COL5A2: variants seen among roughly 807,000 people sequenced by gnomAD.
COL5A2 encodes the protein collagen type V alpha 2 chain.
A neutral mutation model predicts 208.2 loss-of-function variants in COL5A2; 23 were observed. The observed-to-expected ratio is 0.11, with a 90% CI of 0.08 to 0.16. The LOEUF is 0.16. COL5A2 is among the 10% of genes least tolerant of loss of function. The probability of loss-of-function intolerance (pLI) is 1.00; values close to 1 mark genes in which losing one functional copy is unlikely to be tolerated. For missense variants in COL5A2, 1,590 were observed against 1,956.4 expected (o/e 0.81, Z 3.53); for synonymous variants, 625 against 628.5 (o/e 0.99, Z 0.08).
intron 6 of COL5A2, among the ~76,000 whole-genome samples, 188 bp from the exon 7 acceptor site, chr2:189,092,608 T>C (rs140954227): frequency 2.0e-5 from 3 of 152,320 alleles, no homozygotes; most frequent in Non-Finnish European, 4.4e-5. Flanking sequence ...ACTTCTACCA[T>C]TCGGATGTGG....
At chr2:189,062,625 A>G (rs1449037875) in intron 29 of COL5A2, among the ~76,000 whole-genome samples, 1 of 152,140 alleles carries the variant, frequency 6.6e-6, no homozygotes, top group African/African-American at 2.4e-5. Context: ...ACATATAAAA[A>G]CCTTTGCAGT....
chr2:189,050,777 G>C, intron 42 of COL5A2, 101 bp from the exon 43 acceptor site: 1 of 972,194 alleles, frequency 1.0e-6, no homozygotes. Context: ...TTTTCAGTAT[G>C]AAAAAGAAGT....
Position 189,039,455 on chromosome 2 carries a change from G to A in COL5A2, c.3742C>T (p.Leu1248Phe). The change falls in exon 51 of 54, where the codon CTT becomes TTT. Residue 1248 changes from leucine (L) to phenylalanine (F), a missense_variant. Transcript: ENST00000374866. ...GCCTGATCTTCAGTAAACTCAGGAA[G>A]TGGATCTGGCATGCTTTCATCATAG... Reference protein sequence around the residue: ...GHYDESMPDPLPEFTEDQAAP... With the variant: ...GHYDESMPDPFPEFTEDQAAP... 1 of 1,614,130 alleles carries A rather than the reference G, an allele frequency of 6.2e-7. No homozygotes were observed. The highest frequency in any genetic ancestry group is 8.5e-7 in the Non-Finnish European group (1 of 1,180,014).
intron 13 of COL5A2, among the ~76,000 whole-genome samples, chr2:189,080,356 TATAAA>T (rs1406381393): frequency 1.3e-5 from 2 of 151,982 alleles, no homozygotes; most frequent in African/African-American, 2.4e-5. Context: ...TTCATATTGT[TATAAA>T]ATATCATTTG....
chr2:189,215,769 C>T (rs10172607), intron 1 of COL5A2, among the ~76,000 whole-genome samples: 21,956 of 151,992 alleles, frequency 0.14, 2,684 homozygotes, highest in African/African-American at 0.32. Context: ...TTTCCCTGTC[C>T]AGAATTCATC....
intron 34 of COL5A2, 119 bp from the exon 35 acceptor site, chr2:189,057,145 G>T: frequency 8.3e-7 from 1 of 1,203,570 alleles, no homozygotes; most frequent in Non-Finnish European, 1.2e-6. Context: ...AGGTGAGCCT[G>T]GGATGGTGCC....
chr2:189,286,126 C>T, the COL5A2 span, among the ~76,000 whole-genome samples: 1 of 151,528 alleles, frequency 6.6e-6, no homozygotes, highest in Non-Finnish European at 1.5e-5. Flanking sequence ...CAAGAGAGTA[C>T]TAAATTGACA....
At chr2:189,425,566 G>A in the COL5A2 span, among the ~76,000 whole-genome samples, 7 of 152,258 alleles carry the variant, frequency 4.6e-5, no homozygotes, top group East Asian at 1.4e-3. Context: ...AAACCTAGAG[G>A]ACATTATGCA....
Position 189,091,889 on chromosome 2 carries a change from T to C in COL5A2, c.567+421A>G, listed in dbSNP as rs147302491. Among the ~76,000 whole-genome samples, 6 of 152,332 alleles carry C rather than the reference T, an allele frequency of 3.9e-5. No homozygotes were observed. In the East Asian group the frequency reaches 9.6e-4, roughly 24 times the overall value. On this transcript the variant is annotated intron_variant, in intron 7 of 53. Coordinates refer to ENST00000374866, the MANE Select transcript of COL5A2 (RefSeq NM_000393.5). ...ATTAGGTGTCATTTTTAGTGTCAAC[T>C]CAATGGCCTTCTCATATCCCTCATC... is the stretch of plus-strand genomic sequence containing the variant.
the COL5A2 span, among the ~76,000 whole-genome samples, chr2:189,320,962 G>A: frequency 6.6e-6 from 1 of 152,200 alleles, no homozygotes; most frequent in African/African-American, 2.4e-5. Context: ...ACTAACAGTG[G>A]ATCTCTGGGC....
the COL5A2 span, among the ~76,000 whole-genome samples, chr2:189,242,479 C>T: frequency 6.6e-6 from 1 of 152,028 alleles, no homozygotes; most frequent in Non-Finnish European, 1.5e-5. Flanking sequence ...TATAATATGC[C>T]TTACACACAC....
the COL5A2 span, among the ~76,000 whole-genome samples, chr2:189,249,533 C>T: frequency 6.6e-6 from 1 of 152,036 alleles, no homozygotes; most frequent in Non-Finnish European, 1.5e-5. Context: ...TTCCAGAGTT[C>T]CAAATTTAGG....
At chr2:189,272,605 A>T in the COL5A2 span, among the ~76,000 whole-genome samples, 1 of 152,186 alleles carries the variant, frequency 6.6e-6, no homozygotes, top group Non-Finnish European at 1.5e-5. Flanking sequence ...GCACATGTAT[A>T]CGTATGTAAC....
At chr2:189,339,566 G>A in the COL5A2 span, among the ~76,000 whole-genome samples, 1 of 152,164 alleles carries the variant, frequency 6.6e-6, no homozygotes, top group Non-Finnish European at 1.5e-5. Flanking sequence ...AGCCAAGGAA[G>A]AAGGCTTTAT....
At chr2:189,409,093 C>T in the COL5A2 span, among the ~76,000 whole-genome samples, 37 of 151,844 alleles carry the variant, frequency 2.4e-4, no homozygotes, top group Non-Finnish European at 4.4e-4. Context: ...TGAAAATCAC[C>T]GTAGGTTTTT....
At chr2:189,171,141 G>A (rs1398521514) in intron 1 of COL5A2, among the ~76,000 whole-genome samples, 1 of 152,084 alleles carries the variant, frequency 6.6e-6, no homozygotes, top group Non-Finnish European at 1.5e-5. Context: ...GTCTGTGTGT[G>A]TTGGGGGTGG....
At chr2:189,238,216 C>T in the COL5A2 span, among the ~76,000 whole-genome samples, 1 of 151,984 alleles carries the variant, frequency 6.6e-6, no homozygotes, top group East Asian at 1.9e-4. Flanking sequence ...TGGTTTATTT[C>T]TCTCTTGATG....
the COL5A2 span, among the ~76,000 whole-genome samples, chr2:189,299,429 C>T: frequency 6.6e-6 from 1 of 152,172 alleles, no homozygotes; most frequent in East Asian, 1.9e-4. Context: ...CACCTCGATA[C>T]GTGGCTCAAA....
At chr2:189,079,681 G>T (rs1686489223) in intron 14 of COL5A2, among the ~76,000 whole-genome samples, 1 of 152,066 alleles carries the variant, frequency 6.6e-6, no homozygotes, top group Non-Finnish European at 1.5e-5. Flanking sequence ...TTTTTAAAAA[G>T]AAAAATGAAT....
Sources: allele counts gnomAD v4.1 joint callset (sites outside exome capture counted in the v4.1 genomes callset), GRCh38; gene constraint gnomAD v4.1.1; transcripts MANE v1.5; gene names NCBI Gene and HGNC (gene_info 2026-07-23, HGNC 2026-07-21).